Variants in SPECC1L observed in about 807,000 individuals in gnomAD.
SPECC1L encodes sperm antigen with calponin homology and coiled-coil domains 1 like.
A neutral mutation model predicts 116.8 loss-of-function variants in SPECC1L; 40 were observed. The observed-to-expected ratio is 0.34, with a 90% CI of 0.27 to 0.45. The LOEUF (loss-of-function observed/expected upper bound fraction) is 0.45, where lower values mean the gene tolerates loss of function less well. Among genes scored for constraint, SPECC1L ranks in the 20% least tolerant of loss-of-function variants. The probability of loss-of-function intolerance (pLI) is 1.00; values close to 1 mark genes in which losing one functional copy is unlikely to be tolerated. For missense variants in SPECC1L, 1,110 were observed against 1,373.6 expected (o/e 0.81, Z 3.03); for synonymous variants, 504 against 500.6 (o/e 1.01, Z -0.09).
intron 2 of SPECC1L, among the ~76,000 whole-genome samples, chr22:24,289,257 T>C (rs936241934): frequency 3.3e-5 from 5 of 152,200 alleles, no homozygotes; most frequent in Non-Finnish European, 7.3e-5. Context: ...GTTTGAACTT[T>C]GGGAACGAAT....
intron 2 of SPECC1L, among the ~76,000 whole-genome samples, chr22:24,279,056 C>T (rs1354601975): frequency 2.0e-5 from 3 of 152,128 alleles, no homozygotes; most frequent in African/African-American, 4.8e-5. Flanking sequence ...AGGATGCAAC[C>T]GAGAGTACTT....
chr22:24,330,429 C>G lies in SPECC1L; in HGVS notation c.2394C>G (p.Arg798=). Residue 798 remains arginine (R), a splice_region_variant and synonymous_variant, in exon 8 of 17, where the codon CGC becomes CGG. Transcript: ENST00000314328. Reference sequence around the variant, plus strand: ...AAGAATTGGAGGAAATAAAGTCACGCAAGTAAGTTCTGAGAAACCTGTTGT... The same window carrying G: ...AAGAATTGGAGGAAATAAAGTCACGGAAGTAAGTTCTGAGAAACCTGTTGT... ...LTKELEEIKS[R]KQEEERGRVY... is the part of the protein sequence containing the mutation. 2 of 1,614,088 alleles carry G rather than the reference C, an allele frequency of 1.2e-6. No homozygotes were observed. The highest frequency in any genetic ancestry group is 1.7e-6 in the Non-Finnish European group (2 of 1,179,986).
chr22:24,368,242 A>G (rs1414105745), intron 13 of SPECC1L, among the ~76,000 whole-genome samples: 1 of 152,202 alleles, frequency 6.6e-6, no homozygotes, highest in African/African-American at 2.4e-5. Context: ...TTTACTTACT[A>G]TCATATAGTA....
Position 24,369,208 on chromosome 22 carries a change from T to C in SPECC1L, c.2985-10T>C. ...AAAAAATATTTCAACTTTGGGTTAC[T>C]TGTTTTCAGAGAAGAAAGGAAAGAC... is the stretch of plus-strand genomic sequence containing the variant. On this transcript the variant is annotated splice_polypyrimidine_tract_variant and intron_variant, in intron 13 of 16. Transcript: ENST00000314328. The C allele has an allele frequency of 6.2e-7, 1 of 1,602,966 alleles. No homozygotes were observed. Among genetic ancestry groups the C allele is most frequent in the Non-Finnish European group, 8.5e-7 (1 of 1,169,852 alleles).
intron 14 of SPECC1L, among the ~76,000 whole-genome samples, chr22:24,408,176 C>T (rs550088309): frequency 6.6e-6 from 1 of 152,314 alleles, no homozygotes; most frequent in Admixed American, 6.5e-5. Context: ...CTAGTTTCCT[C>T]CCTAAAGAGC....
intron 4 of SPECC1L, among the ~76,000 whole-genome samples, chr22:24,317,422 G>T (rs868591375): frequency 8.3e-6 from 1 of 120,310 alleles, no homozygotes; most frequent in African/African-American, 2.9e-5. Context: ...CAGATGGGGC[G>T]CTGGCCGGGC....
At chr22:24,412,565 C>A in intron 15 of SPECC1L, 83 bp from the exon 16 acceptor site, 2 of 1,262,150 alleles carry the variant, frequency 1.6e-6, no homozygotes, top group Non-Finnish European at 2.3e-6. Flanking sequence ...CCTTCAGATG[C>A]ATCTGTCCCA....
rs2049360616 is a variant in SPECC1L, at chr22:24,300,734, T to A, written c.-37-1461T>A. Among the ~76,000 whole-genome samples the A allele has an allele frequency of 3.3e-5, 5 of 152,248 alleles. No individual in the cohort carries two copies. In the South Asian group the frequency reaches 1.0e-3, roughly 32 times the overall value. On this transcript the variant is annotated intron_variant, in intron 2 of 16. Transcript: ENST00000314328. ...TTTCTCAGATGATCAGTGATGTTGA[T>A]ATACAGACTAATAGAACAGAACAGT...
In SPECC1L at chr22:24,417,168, G is replaced by C. The variant is rs190234689; in HGVS notation, c.*2545G>C. The C allele has an allele frequency of 3.9e-5, 6 of 152,660 alleles. No individual in the cohort carries two copies. The East Asian group carries it at 9.6e-4, about 25-fold the overall frequency. 9.5% of individuals were successfully genotyped at this position (152,660 alleles called of 1,614,324 possible). A position where few individuals can be genotyped will look rare whatever the true frequency, so the allele number is the denominator to read the frequency against. ...GGCCAGTCGCGTTTCTATTTCTCTC[G>C]ATCCCAGGCTTCTGCGGACCGACGA... On this transcript the variant is annotated 3_prime_UTR_variant, in exon 17 of 17. Transcript: ENST00000314328.
At chr22:24,356,860 C>T (rs1843315133) in intron 11 of SPECC1L, among the ~76,000 whole-genome samples, 1 of 152,012 alleles carries the variant, frequency 6.6e-6, no homozygotes, top group African/African-American at 2.4e-5. Context: ...GGTTTGTCAG[C>T]CTTGCCTTTA....
intron 15 of SPECC1L, 71 bp downstream of exon 15, chr22:24,411,775 C>G: frequency 7.8e-7 from 1 of 1,276,968 alleles, no homozygotes; most frequent in South Asian, 1.2e-5. Context: ...AGGGCAGCAC[C>G]TGCCTCAGCA....
At chr22:24,339,283 T>G (rs954417625) in intron 10 of SPECC1L, among the ~76,000 whole-genome samples, 9 of 152,238 alleles carry the variant, frequency 5.9e-5, no homozygotes, top group African/African-American at 2.4e-5. Context: ...GTGACACTTC[T>G]GTCCTGCTAT....
chr22:24,321,186 TC>T, intron 4 of SPECC1L, 101 bp from the exon 5 acceptor site: 1 of 1,293,828 alleles, frequency 7.7e-7, no homozygotes, highest in Non-Finnish European at 1.1e-6. Context: ...ATTGTGTAGA[TC>T]CTGGATTTCA....
chr22:24,404,944 G>T (rs548334978), intron 14 of SPECC1L, among the ~76,000 whole-genome samples: 1 of 152,186 alleles, frequency 6.6e-6, no homozygotes, highest in African/African-American at 2.4e-5. Flanking sequence ...AGATTTTAGG[G>T]TGTCACTGTG....
intron 2 of SPECC1L, among the ~76,000 whole-genome samples, chr22:24,301,465 G>A (rs1158788589): frequency 1.3e-5 from 2 of 152,054 alleles, no homozygotes; most frequent in Admixed American, 6.6e-5. Context: ...ACTGAACATC[G>A]TAGCTTAGCC....
At chr22:24,302,654 G>T (rs2049404705) in intron 3 of SPECC1L, among the ~76,000 whole-genome samples, 1 of 152,184 alleles carries the variant, frequency 6.6e-6, no homozygotes, top group Admixed American at 6.5e-5. Flanking sequence ...TGGAGGTACA[G>T]TCTGCCTTCA....
At chr22:24,315,620 G>A (rs964505576) in intron 4 of SPECC1L, among the ~76,000 whole-genome samples, 37 of 152,212 alleles carry the variant, frequency 2.4e-4, no homozygotes, top group Non-Finnish European at 4.6e-4. Context: ...CCATGTGTTT[G>A]TATACTTAGT....
At chr22:24,374,689 G>A (rs2041938230) in intron 14 of SPECC1L, among the ~76,000 whole-genome samples, 1 of 151,128 alleles carries the variant, frequency 6.6e-6, no homozygotes, top group African/African-American at 2.4e-5. Flanking sequence ...ACGAGTTGAT[G>A]GGTGCAGCAC....
In SPECC1L at chr22:24,369,327, A is replaced by G. The variant is rs1390566920; in HGVS notation, c.3087+7A>G. 1.2e-6 allele frequency: 2 copies of G among 1,606,772 alleles called. No homozygotes were observed. The highest frequency in any genetic ancestry group is 1.7e-5 in the Admixed American group (1 of 60,024). On this transcript the variant is annotated splice_region_variant and intron_variant, in intron 14 of 16. Coordinates refer to ENST00000314328, the MANE Select transcript of SPECC1L (RefSeq NM_015330.6). ...GAAAACAGAAGGCTATCAGGTAATCATATGATTCTTTTGTCCCATGTGAGT... is the reference window on the plus strand; with the variant it reads ...GAAAACAGAAGGCTATCAGGTAATCGTATGATTCTTTTGTCCCATGTGAGT...
Sources: gnomAD v4.1 joint callset for allele counts (sites outside exome capture counted in the v4.1 genomes callset) on GRCh38, gnomAD v4.1.1 for gene constraint, MANE v1.5 for transcripts, NCBI Gene and HGNC (gene_info 2026-07-23, HGNC 2026-07-21) for gene names.